Variants in NUBPL observed in about 807,000 individuals in gnomAD.
NUBPL encodes the protein NUBP iron-sulfur cluster assembly factor, mitochondrial.
A neutral mutation model predicts 45.7 loss-of-function variants in NUBPL; 31 were observed. That is an observed-to-expected ratio of 0.68 (90% confidence interval 0.51 to 0.92). The LOEUF (loss-of-function observed/expected upper bound fraction) is 0.92. NUBPL is among the 40% of genes least tolerant of loss of function. The probability of loss-of-function intolerance (pLI) is 0.00; values close to 1 mark genes in which losing one functional copy is unlikely to be tolerated. For missense variants in NUBPL, 401 were observed against 398.7 expected (o/e 1.01, Z -0.05); for synonymous variants, 144 against 140.9 (o/e 1.02, Z -0.15).
At chr14:31,639,454 A>C (rs138318839) in intron 4 of NUBPL, among the ~76,000 whole-genome samples, 1,624 of 152,212 alleles carry the variant, frequency 0.011, 24 homozygotes, top group African/African-American at 0.037. Context: ...TTTGTGTCAG[A>C]GGAGTACCCG....
chr14:31,777,965 C>A (rs1013693066), intron 6 of NUBPL, among the ~76,000 whole-genome samples: 1 of 152,170 alleles, frequency 6.6e-6, no homozygotes, highest in Non-Finnish European at 1.5e-5. Context: ...CCAAACAGAA[C>A]CTAGTCCAAA....
At chr14:31,704,664 T>TA (rs111698574) in intron 6 of NUBPL, among the ~76,000 whole-genome samples, 5,487 of 145,418 alleles carry the variant, frequency 0.038, 118 homozygotes, top group African/African-American at 0.078. Flanking sequence ...AACTCCATCT[T>TA]AAAAAAAAAA....
At chr14:31,753,717 C>A (rs1386030422) in intron 6 of NUBPL, among the ~76,000 whole-genome samples, 1 of 152,146 alleles carries the variant, frequency 6.6e-6, no homozygotes, top group Non-Finnish European at 1.5e-5. Flanking sequence ...GGACTAAAGG[C>A]AGCTTCCTAT....
At chr14:31,652,084 A>G (rs1332045104) in intron 4 of NUBPL, among the ~76,000 whole-genome samples, 1 of 152,164 alleles carries the variant, frequency 6.6e-6, no homozygotes, top group Non-Finnish European at 1.5e-5. Context: ...TGATATATAT[A>G]CAGAATATAT....
At chr14:31,570,829 C>T (rs188664731) in intron 3 of NUBPL, among the ~76,000 whole-genome samples, 120 of 152,320 alleles carry the variant, frequency 7.9e-4, no homozygotes, top group Admixed American at 7.8e-3. Context: ...AGAATCCCTG[C>T]CTTTGAGGAA....
At chr14:31,780,521 A>G (rs2039174628) in intron 6 of NUBPL, among the ~76,000 whole-genome samples, 1 of 152,186 alleles carries the variant, frequency 6.6e-6, no homozygotes, top group Admixed American at 6.5e-5. Flanking sequence ...GCAAACTCTA[A>G]ATAACTTATG....
chr14:31,791,748 C>T (rs78281400), intron 7 of NUBPL, among the ~76,000 whole-genome samples: 4,936 of 152,194 alleles, frequency 0.032, 243 homozygotes, highest in African/African-American at 0.11. Context: ...GAATACGAAA[C>T]ACTTCATGGA....
At chr14:31,639,934 T>C (rs7143720) in intron 4 of NUBPL, among the ~76,000 whole-genome samples, 141,419 of 152,216 alleles carry the variant, frequency 0.93, 65,761 homozygotes, top group East Asian at 1. Flanking sequence ...TTAAGCCCGT[T>C]GGAAAAGCGC....
At chr14:31,749,383 G>C (rs1044371744) in intron 6 of NUBPL, among the ~76,000 whole-genome samples, 3 of 152,192 alleles carry the variant, frequency 2.0e-5, no homozygotes, top group Non-Finnish European at 2.9e-5. Context: ...TTGTTGTAAA[G>C]CTGGTCTTAT....
intron 4 of NUBPL, among the ~76,000 whole-genome samples, chr14:31,652,438 A>G (rs958789255): frequency 3.3e-5 from 5 of 152,298 alleles, no homozygotes; most frequent in African/African-American, 1.2e-4. Context: ...AAGAGAGTAC[A>G]TTTTAAGTGT....
intron 6 of NUBPL, among the ~76,000 whole-genome samples, chr14:31,757,844 A>G (rs1381567467): frequency 1.3e-5 from 2 of 152,068 alleles, no homozygotes; most frequent in African/African-American, 4.8e-5. Context: ...TCTGACCTCT[A>G]CTTACCTCAT....
At chr14:31,854,249 A>G (rs2040583762) in intron 10 of NUBPL, among the ~76,000 whole-genome samples, 1 of 152,212 alleles carries the variant, frequency 6.6e-6, no homozygotes, top group Non-Finnish European at 1.5e-5. Flanking sequence ...CAACTGTATT[A>G]TCTGTGCCTC....
chr14:31,601,942 A>G (rs1422843642), intron 4 of NUBPL, among the ~76,000 whole-genome samples: 2 of 152,262 alleles, frequency 1.3e-5, no homozygotes, highest in East Asian at 1.9e-4. Context: ...GTGCACACGT[A>G]TGTTTACTGT....
chr14:31,710,543 A>G (rs562803230), intron 6 of NUBPL, among the ~76,000 whole-genome samples: 1 of 152,282 alleles, frequency 6.6e-6, no homozygotes, highest in East Asian at 1.9e-4. Flanking sequence ...CTAGACCACA[A>G]GGAGGACAGA....
chr14:31,800,105 G>T (rs149889913), intron 7 of NUBPL, among the ~76,000 whole-genome samples: 2 of 152,082 alleles, frequency 1.3e-5, no homozygotes, highest in Non-Finnish European at 2.9e-5. Context: ...ATCTGTTCAG[G>T]TTTGATAATG....
chr14:31,659,744 A>C (rs1595451077), intron 4 of NUBPL, among the ~76,000 whole-genome samples: 4 of 152,308 alleles, frequency 2.6e-5, no homozygotes, highest in African/African-American at 9.6e-5. Flanking sequence ...TCTGTTTAAA[A>C]AATACTTAGA....
chr14:31,629,645 A>G (rs894566824), intron 4 of NUBPL, among the ~76,000 whole-genome samples: 1 of 152,182 alleles, frequency 6.6e-6, no homozygotes, highest in Non-Finnish European at 1.5e-5. Context: ...TTTAAATAAT[A>G]TATAGGAGAT....
Position 31,562,177 on chromosome 14 carries a change from C to A in NUBPL, c.218C>A (p.Ala73Asp), listed in dbSNP as rs771564731. The A allele has an allele frequency of 1.7e-5, 27 of 1,613,884 alleles. No homozygotes were observed. The Admixed American group carries it at 3.0e-4, about 18-fold the overall frequency. The change falls in exon 2 of 11, where the codon GCT (alanine) becomes GAT (aspartate). Residue 73 changes from alanine (A) to aspartate (D), a missense_variant. By Grantham distance (126) the Ala-to-Asp change is moderately radical. Transcript: ENST00000281081. The part of the protein sequence containing the change: ...IEGVKQVIVV[A>D]SGKGGVGKST... ...GGTGTTAAACAAGTTATAGTTGTGGCTTCTGGAAAGGGTGGAGTCGGAAAA... is the reference window on the plus strand; with the variant it reads ...GGTGTTAAACAAGTTATAGTTGTGGATTCTGGAAAGGGTGGAGTCGGAAAA...
chr14:31,592,606 G>GT (rs869054275), intron 3 of NUBPL, among the ~76,000 whole-genome samples: 90 of 150,172 alleles, frequency 6.0e-4, no homozygotes, highest in African/African-American at 2.2e-3. Flanking sequence ...TGTTTACTAT[G>GT]TTTTTTTAAA....
Sources: gnomAD v4.1 joint callset for allele counts (sites outside exome capture counted in the v4.1 genomes callset) on GRCh38, gnomAD v4.1.1 for gene constraint, MANE v1.5 for transcripts, NCBI Gene and HGNC (gene_info 2026-07-23, HGNC 2026-07-21) for gene names.